Variants in DUSP11 observed in about 807,000 individuals in gnomAD.
DUSP11 encodes the protein dual specificity phosphatase 11, also known as RNA/RNP complex-1-interacting phosphatase.
Under a neutral mutation model 41.4 loss-of-function variants are expected in DUSP11, and 27 were observed. That is an observed-to-expected ratio of 0.65 (90% CI 0.48 to 0.90). DUSP11 has a LOEUF of 0.90. Among genes scored for constraint, DUSP11 ranks in the 40% least tolerant of loss-of-function variants. The pLI, the probability that DUSP11 is intolerant of heterozygous loss-of-function variation, is 0.00. For missense variants in DUSP11, 465 were observed against 461.1 expected (o/e 1.01, Z -0.08); for synonymous variants, 188 against 159.3 (o/e 1.18, Z -1.35).
chr2:73,774,523 T>C (rs1672644215), intron 3 of DUSP11, among the ~76,000 whole-genome samples: 1 of 152,260 alleles, frequency 6.6e-6, no homozygotes, highest in Non-Finnish European at 1.5e-5. Context: ...AAAAAGACTC[T>C]GACCACTAAA....
chr2:73,763,440 G>A (rs1672398879), intron 8 of DUSP11, among the ~76,000 whole-genome samples: 1 of 152,164 alleles, frequency 6.6e-6, no homozygotes, highest in South Asian at 2.1e-4. Context: ...AAGAAAATTT[G>A]GGGCTGGGCG....
intron 5 of DUSP11, 40 bp from the exon 6 acceptor site, chr2:73,767,247 AG>A: frequency 6.5e-7 from 1 of 1,547,506 alleles, no homozygotes; most frequent in Non-Finnish European, 8.8e-7. Context: ...ATATACGAAA[AG>A]AAAAAAATCA....
At chr2:73,771,791 C>T (rs140538102) in intron 4 of DUSP11, among the ~76,000 whole-genome samples, 6 of 146,548 alleles carry the variant, frequency 4.1e-5, no homozygotes, top group East Asian at 2.0e-4. Flanking sequence ...CATGAGCCAT[C>T]GCGCCCGGCT....
At chr2:73,769,203 A>G (rs1672527205) in intron 5 of DUSP11, 62 bp downstream of exon 5, 3 of 1,429,576 alleles carry the variant, frequency 2.1e-6, no homozygotes, top group Non-Finnish European at 2.9e-6. Flanking sequence ...ACAACCTTAC[A>G]TTACCATTGT....
intron 5 of DUSP11, 163 bp from the exon 6 acceptor site, chr2:73,767,370 C>T: frequency 3.6e-6 from 2 of 558,840 alleles, no homozygotes; most frequent in Non-Finnish European, 6.2e-6. Flanking sequence ...ACCATGACCA[C>T]AAAAAGACGT....
intron 4 of DUSP11, among the ~76,000 whole-genome samples, chr2:73,770,810 C>T (rs1052523558): frequency 3.3e-5 from 5 of 152,160 alleles, no homozygotes; most frequent in African/African-American, 9.7e-5. Context: ...ATATGATCCA[C>T]CTCCCTTCTG....
rs766334924 is a variant in DUSP11, at chr2:73,766,440, G to A, written c.913C>T (p.Gln305Ter). ...TACCTGACTGATTGTTGCAAACTTTGGGTCTGGGTGTGGAAATGTCGAGGA... is the reference window on the plus strand; with the variant it reads ...TACCTGACTGATTGTTGCAAACTTTAGGTCTGGGTGTGGAAATGTCGAGGA... The change falls in exon 8 of 9, where the codon CAA becomes TAA. Residue 305 changes from glutamine (Q) to a stop codon, truncating the protein, a stop_gained. Coordinates refer to ENST00000272444, the Ensembl canonical transcript of DUSP11. LOFTEE classifies it low-confidence loss of function (END_TRUNC). The A allele has an allele frequency of 2.5e-6, 4 of 1,611,912 alleles. No individual in the cohort carries two copies. Among genetic ancestry groups the A allele is most frequent in the Non-Finnish European group, 2.5e-6 (3 of 1,179,456 alleles).
Position 73,779,868 on chromosome 2 carries a change from T to C in DUSP11, c.242+6A>G, listed in dbSNP as rs1436446544. The C allele has an allele frequency of 1.2e-6, 2 of 1,613,950 alleles. No homozygotes were observed. The highest frequency in any genetic ancestry group is 1.3e-5 in the African/African-American group (1 of 74,916). On this transcript the variant is annotated splice_donor_region_variant and intron_variant, in intron 1 of 8. Transcript: ENST00000272444. ...AAGGCCACGCCAAGGGACCAAGACA[T>C]ACTACCTTTCGGGGATGTGGTTTCC...
At chr2:73,773,891 A>G in exon 4 of DUSP11, 1 of 1,603,902 alleles carries the variant, frequency 6.2e-7, no homozygotes, top group African/African-American at 1.3e-5. Flanking sequence ...CAACTGTAAA[A>G]ATTTTTAAGT....
intron 2 of DUSP11, among the ~76,000 whole-genome samples, chr2:73,777,377 A>G (rs1187830537): frequency 6.6e-6 from 1 of 152,178 alleles, no homozygotes; most frequent in Non-Finnish European, 1.5e-5. Context: ...AATTCCCAAA[A>G]CGTTTCAAGT....
At chr2:73,772,682 A>T (rs961120482) in intron 4 of DUSP11, among the ~76,000 whole-genome samples, 6 of 152,248 alleles carry the variant, frequency 3.9e-5, no homozygotes, top group South Asian at 4.1e-4. Context: ...CAGCTTATAC[A>T]AATGGGAAAG....
chr2:73,779,697 A>G (rs1054758157), intron 1 of DUSP11, 177 bp downstream of exon 1: 2 of 917,374 alleles, frequency 2.2e-6, no homozygotes, highest in African/African-American at 1.7e-5. Flanking sequence ...ACAGGACATC[A>G]CAGACATCGC....
exon 9 of DUSP11, chr2:73,762,668 G>A: frequency 6.2e-7 from 1 of 1,611,038 alleles, no homozygotes. Flanking sequence ...GTATCACTGG[G>A]TCCATTCCCA....
chr2:73,763,622 C>G (rs563799750), intron 8 of DUSP11, among the ~76,000 whole-genome samples: 2 of 152,032 alleles, frequency 1.3e-5, no homozygotes, highest in South Asian at 4.1e-4. Context: ...ACTGGGGAGG[C>G]TGAGGCAGGA....
chr2:73,770,712 C>T (rs940769579), intron 4 of DUSP11, among the ~76,000 whole-genome samples: 2 of 152,132 alleles, frequency 1.3e-5, no homozygotes, highest in Admixed American at 6.5e-5. Context: ...TTTAGCATGG[C>T]ATTTAGAATC....
chr2:73,766,872 T>C, exon 7 of DUSP11: 1 of 1,613,550 alleles, frequency 6.2e-7, no homozygotes, highest in Non-Finnish European at 8.5e-7. Context: ...AGTTTTGTCT[T>C]TCTAAGCAAT....
In DUSP11 at chr2:73,768,733, G is replaced by C. The variant is rs528161346; in HGVS notation, c.635+532C>G. ...GCACTTTGGGAGGCCGAGGCGGGTG[G>C]ATCACAAGGTCAGGAGATCAAGACC... On this transcript the variant is annotated intron_variant, in intron 5 of 8. Coordinates refer to ENST00000272444, the Ensembl canonical transcript of DUSP11. The C allele has an allele frequency of 2.1e-3, 1,686 of 804,448 alleles. 3 individuals are homozygous for C. The highest frequency in any genetic ancestry group is 2.4e-3 in the Non-Finnish European group (1,602 of 665,078). 49.8% of individuals were successfully genotyped at this position (804,448 alleles called of 1,614,324 possible). A position where few individuals can be genotyped will look rare whatever the true frequency, so the allele number is the denominator to read the frequency against.
intron 3 of DUSP11, among the ~76,000 whole-genome samples, chr2:73,774,502 T>C (rs1194712437): frequency 6.6e-6 from 1 of 152,216 alleles, no homozygotes; most frequent in Non-Finnish European, 1.5e-5. Context: ...AACTTTTTCA[T>C]CATCCCCGAC....
chr2:73,778,365 T>C (rs1418297204), exon 2 of DUSP11: 2 of 1,544,226 alleles, frequency 1.3e-6, no homozygotes, highest in Non-Finnish European at 1.7e-6. Flanking sequence ...AACTGGGAGA[T>C]AGTCTTTCCA....
Sources: allele counts gnomAD v4.1 joint callset (sites outside exome capture counted in the v4.1 genomes callset), GRCh38; gene constraint gnomAD v4.1.1; transcripts MANE v1.5; gene names NCBI Gene and HGNC (gene_info 2026-07-23, HGNC 2026-07-21).